Variants in BANK1 observed in about 807,000 individuals in gnomAD.
BANK1 encodes the protein B-cell scaffold protein with ankyrin repeats.
A neutral mutation model predicts 94.5 loss-of-function variants in BANK1; 95 were observed. The observed-to-expected ratio is 1.00, with a 90% confidence interval of 0.85 to 1.19. BANK1 has a LOEUF of 1.19. Among genes scored for constraint, BANK1 ranks in the 50% most tolerant of loss-of-function variants. The pLI, the probability that BANK1 is intolerant of heterozygous loss-of-function variation, is 0.00. For synonymous variants in BANK1, 334 were observed against 308.4 expected, an observed-to-expected ratio of 1.08 and a Z score of -0.87; for missense variants, 987 against 932.2, an observed-to-expected ratio of 1.06 and a Z score of -0.77.
rs182026428 is a variant in BANK1 at position 102,071,248 on chromosome 4, T to G, written c.2213-27T>G. 4.4e-5 allele frequency: 71 copies of G among 1,611,578 alleles called. No homozygotes were observed. In the Middle Eastern group the frequency reaches 8.3e-4, roughly 19 times the overall value. On this transcript the variant is annotated intron_variant, in intron 13 of 16. Transcript: ENST00000322953. ...AAGATAAATATTGAACAAAACTCAGTAGAACATGCTTTTTTTTGTCTTCCA... is the reference window on the plus strand; with the variant it reads ...AAGATAAATATTGAACAAAACTCAGGAGAACATGCTTTTTTTTGTCTTCCA...
At position 101,832,893 on chromosome 4, in the gene BANK1, T is replaced by TCCC. The variant is rs1341383544; in HGVS notation, c.469+2687_469+2688insCCC. On this transcript the variant is annotated intron_variant, in intron 2 of 16. Coordinates refer to ENST00000322953, the MANE Select transcript of BANK1 (RefSeq NM_017935.5). The stretch of plus-strand genomic sequence containing the variant: ...CTTCTTTGCTTTCTTTTTCCCTCCC[T>TCCC]TCCTCCCTTCCTTCCCTCCCTCTCT... 2.0e-5 allele frequency among the ~76,000 whole-genome samples: 3 copies of TCCC among 150,184 alleles called. No homozygotes were observed. The East Asian group carries it at 6.1e-4, about 31-fold the overall frequency.
chr4:101,858,767 A>G (rs1312037966), intron 3 of BANK1, among the ~76,000 whole-genome samples: 1 of 152,190 alleles, frequency 6.6e-6, no homozygotes, highest in African/African-American at 2.4e-5. Context: ...TGGCTTTATC[A>G]GCATTTGGAT....
Position 101,895,360 on chromosome 4 carries a change from C to G in BANK1, c.959C>G (p.Pro320Arg), listed in dbSNP as rs762224126. Residue 320 changes from proline (P) to arginine (R), a missense_variant, in exon 6 of 17, where the codon CCA (proline) becomes CGA (arginine). Pro to Arg is a moderately radical substitution (Grantham distance 103). Transcript: ENST00000322953. The stretch of plus-strand genomic sequence containing the variant: ...ACATCCATATTCAAACATGAGATAC[C>G]ATATTATGAGTTCCAGTCTCTTCAA... The part of the protein sequence containing the change: ...VLTSIFKHEI[P>R]YYEFQSLQTE... 3 of 1,593,990 alleles carry G rather than the reference C, an allele frequency of 1.9e-6. No homozygotes were observed. In the South Asian group the frequency reaches 3.4e-5, roughly 18 times the overall value.
intron 1 of BANK1, among the ~76,000 whole-genome samples, chr4:101,798,702 TGA>T (rs1213018765): frequency 1.3e-5 from 2 of 152,252 alleles, no homozygotes; most frequent in Non-Finnish European, 2.9e-5. Flanking sequence ...TGTATTTCTC[TGA>T]TGGCCAATGA....
At chr4:101,837,646 T>C (rs1327068438) in intron 2 of BANK1, among the ~76,000 whole-genome samples, 1 of 152,190 alleles carries the variant, frequency 6.6e-6, no homozygotes, top group Non-Finnish European at 1.5e-5. Context: ...TCTTTTTAAA[T>C]TCTATTTTTA....
At chr4:101,860,448 C>T (rs1447743166) in intron 3 of BANK1, among the ~76,000 whole-genome samples, 2 of 150,940 alleles carry the variant, frequency 1.3e-5, no homozygotes, top group East Asian at 1.9e-4. Context: ...TATTTTTTTT[C>T]GACACAGAGA....
chr4:101,835,472 C>G (rs1245222949), intron 2 of BANK1, among the ~76,000 whole-genome samples: 2 of 152,170 alleles, frequency 1.3e-5, no homozygotes, highest in African/African-American at 4.8e-5. Context: ...ACTTCTCTTT[C>G]TTGAAGAACC....
rs148937347 is a variant in BANK1 at position 101,998,211 on chromosome 4, A to T, written c.1207-23303A>T. On this transcript the variant is annotated intron_variant, in intron 7 of 16. Transcript: ENST00000322953. ...TTCAGGAGCACATTGTTCCATTTCC[A>T]TATAGTTGTGTGGTTTTGAGTGAGT... Among the ~76,000 whole-genome samples the T allele has an allele frequency of 1.8e-4, 27 of 152,118 alleles. No homozygotes were observed. The East Asian group carries it at 4.8e-3, about 27-fold the overall frequency.
intron 7 of BANK1, among the ~76,000 whole-genome samples, chr4:101,961,294 G>A (rs1276946081): frequency 6.6e-6 from 1 of 152,152 alleles, no homozygotes; most frequent in African/African-American, 2.4e-5. Context: ...ATTCTTGTGA[G>A]AAGGAAAAGT....
chr4:102,013,819 G>C (rs1300306171), intron 7 of BANK1, among the ~76,000 whole-genome samples: 1 of 151,424 alleles, frequency 6.6e-6, no homozygotes, highest in Non-Finnish European at 1.5e-5. Flanking sequence ...AACACAATTT[G>C]GTCATATTAA....
chr4:101,872,681 T>TTA lies in BANK1; in HGVS notation c.903+2045_903+2046dup, dbSNP rs569099442. Among the ~76,000 whole-genome samples the TTA allele has an allele frequency of 9.9e-4, 150 of 152,188 alleles. 1 individual carries two copies. Among genetic ancestry groups the TTA allele is most frequent in the African/African-American group, 3.2e-3 (132 of 41,526 alleles). ...GTATTTGCCTTTGCTCCCACATAGA[T>TTA]TATATATATTTAACAAATTTTGTGG... On this transcript the variant is annotated intron_variant, in intron 5 of 16. Transcript: ENST00000322953.
chr4:101,909,215 A>T (rs1282546532), intron 6 of BANK1, among the ~76,000 whole-genome samples: 1 of 152,196 alleles, frequency 6.6e-6, no homozygotes, highest in Non-Finnish European at 1.5e-5. Flanking sequence ...TGCAGCCATA[A>T]AAAAGGATGA....
intron 7 of BANK1, among the ~76,000 whole-genome samples, chr4:101,940,406 A>G (rs1226501001): frequency 6.6e-6 from 1 of 151,764 alleles, no homozygotes; most frequent in African/African-American, 2.4e-5. Context: ...ACATTATTAT[A>G]GTATGCTTGC....
intron 1 of BANK1, among the ~76,000 whole-genome samples, chr4:101,801,346 A>G (rs1725349701): frequency 6.6e-6 from 1 of 152,242 alleles, no homozygotes; most frequent in Non-Finnish European, 1.5e-5. Flanking sequence ...TTGTTGCAAT[A>G]TGGTTGCTAA....
chr4:101,819,318 A>C (rs1726044974), intron 1 of BANK1, among the ~76,000 whole-genome samples: 2 of 152,306 alleles, frequency 1.3e-5, no homozygotes, highest in South Asian at 4.1e-4. Context: ...CATGCTTAGC[A>C]GCATAGAAAA....
At chr4:101,979,055 C>T (rs1421452705) in intron 7 of BANK1, among the ~76,000 whole-genome samples, 2 of 151,764 alleles carry the variant, frequency 1.3e-5, no homozygotes, top group Non-Finnish European at 2.9e-5. Flanking sequence ...ATAGGACATG[C>T]ATAAAGAAGC....
chr4:102,059,632 A>G (rs2148963272), intron 11 of BANK1, among the ~76,000 whole-genome samples: 1 of 152,330 alleles, frequency 6.6e-6, no homozygotes, highest in East Asian at 1.9e-4. Context: ...TGCTGAGCAA[A>G]TAATACATAG....
intron 6 of BANK1, among the ~76,000 whole-genome samples, chr4:101,911,873 C>A (rs964312498): frequency 3.3e-5 from 5 of 152,170 alleles, no homozygotes; most frequent in African/African-American, 1.2e-4. Context: ...TCTGGACCAA[C>A]ACACAAATTG....
intron 7 of BANK1, among the ~76,000 whole-genome samples, chr4:102,010,277 A>G (rs1017760693): frequency 6.6e-5 from 10 of 152,126 alleles, no homozygotes; most frequent in South Asian, 6.2e-4. Context: ...AAACAAACAA[A>G]CAAGCAAACA....
Sources: allele counts gnomAD v4.1 joint callset (sites outside exome capture counted in the v4.1 genomes callset), GRCh38; gene constraint gnomAD v4.1.1; transcripts MANE v1.5; gene names NCBI Gene and HGNC (gene_info 2026-07-23, HGNC 2026-07-21).